The following GOLGA6B variants were observed in gnomAD, a reference collection of about 807,000 sequenced individuals.
GOLGA6B encodes golgin subfamily A member 6B.
A neutral mutation model predicts 63.0 loss-of-function variants in GOLGA6B; 11 were observed. The observed-to-expected ratio is 0.17, with a 90% CI of 0.11 to 0.29. The LOEUF (loss-of-function observed/expected upper bound fraction) is 0.29, where lower values mean the gene tolerates loss of function less well. GOLGA6B is among the 10% of genes least tolerant of loss of function. GOLGA6B has a pLI of 1.00. For missense variants in GOLGA6B, 134 were observed against 563.8 expected (o/e 0.24, Z 7.72); for synonymous variants, 46 against 232.6 (o/e 0.20, Z 7.30).
chr15:72,664,239 C>T lies in GOLGA6B; in HGVS notation c.1426-197C>T, dbSNP rs1183210519. ...CAGCAGCTGACCTCTGAGAAGGAGG[C>T]GCTGCACAGGCAGTTACTGCTGCAG... is the stretch of plus-strand genomic sequence containing the variant. On this transcript the variant is annotated intron_variant, in intron 12 of 17. Transcript: ENST00000421285. Among the ~76,000 whole-genome samples, 16 of 130,234 alleles carry T rather than the reference C, an allele frequency of 1.2e-4. 2 individuals are homozygous for T. The highest frequency in any genetic ancestry group is 1.6e-4 in the African/African-American group (6 of 37,820). The allele number at this position is 130,234 out of a possible 152,430, so 85.4% of individuals were successfully genotyped here.
chr15:72,664,565 T>C, intron 13 of GOLGA6B, 54 bp downstream of exon 13: 1 of 1,147,520 alleles, frequency 8.7e-7, no homozygotes, highest in South Asian at 1.5e-5. Context: ...AAGGGGGGAC[T>C]GTTAGCAGCA....
intron 2 of GOLGA6B, among the ~76,000 whole-genome samples, chr15:72,657,951 CTTTT>C (rs1265834956): frequency 2.8e-5 from 1 of 36,046 alleles, no homozygotes; most frequent in Admixed American, 2.7e-4. Flanking sequence ...GATTTGGGCT[CTTTT>C]TTTTTTTTTT....
In GOLGA6B at chr15:72,664,513, T is replaced by C. The variant is rs748592084; in HGVS notation, c.1501+2T>C. ...GCCTCGTGGCTCTCCCGGGAGAAGG[T>C]ACAGGAGACCACTCAGAGGAAGAGG... On this transcript the variant is annotated splice_donor_variant, in intron 13 of 17. Transcript: ENST00000421285. LOFTEE classifies it high-confidence loss of function. The C allele has an allele frequency of 2.2e-6, 3 of 1,351,324 alleles. 1 individual carries two copies. The highest frequency in any genetic ancestry group is 1.0e-6 in the Non-Finnish European group (1 of 991,404). 83.7% of individuals were successfully genotyped at this position (1,351,324 alleles called of 1,614,324 possible). A position where few individuals can be genotyped will look rare whatever the true frequency, so the allele number is the denominator to read the frequency against.
intron 7 of GOLGA6B, among the ~76,000 whole-genome samples, chr15:72,660,940 C>G (rs1408261936): frequency 6.7e-6 from 1 of 150,126 alleles, no homozygotes; most frequent in East Asian, 2.0e-4. Context: ...TAGTAACTGT[C>G]TCATATGGTG....
rs903568928 is a variant in GOLGA6B, at chr15:72,660,973, G to A, written c.565-291G>A. On this transcript the variant is annotated intron_variant, in intron 7 of 17. Coordinates refer to ENST00000421285, the MANE Select transcript of GOLGA6B (RefSeq NM_018652.5). ...GTGGTTGTGAGGATTAAATGGGATC[G>A]CTAGCATGGAACCTGGTGAAGCACT... Among the ~76,000 whole-genome samples the A allele has an allele frequency of 4.8e-4, 72 of 151,386 alleles. 1 individual carries two copies. The highest frequency in any genetic ancestry group is 4.7e-3 in the Admixed American group (71 of 15,242).
chr15:72,664,147 G>A (rs1165336528), intron 12 of GOLGA6B, among the ~76,000 whole-genome samples: 1 of 130,496 alleles, frequency 7.7e-6, no homozygotes, highest in Admixed American at 7.6e-5. Context: ...AGAGCCAAGG[G>A]TCTCAGAGTC....
At position 72,661,490 on chromosome 15, in the gene GOLGA6B, A is replaced by AGCGAGAC; in HGVS notation, c.685_691dup (p.Glu231AlafsTer6). 1 of 1,304,710 alleles carries AGCGAGAC rather than the reference A, an allele frequency of 7.7e-7. No homozygotes were observed. The highest frequency in any genetic ancestry group is 2.3e-5 in the East Asian group (1 of 43,356). 80.8% of individuals were successfully genotyped at this position (1,304,710 alleles called of 1,614,324 possible). A position where few individuals can be genotyped will look rare whatever the true frequency, so the allele number is the denominator to read the frequency against. ...GAGTCACTAAAACAAGTCCAGCTAGAGCGAGACGAATATGCTAAACACATA... is the reference window on the plus strand; with the variant it reads ...GAGTCACTAAAACAAGTCCAGCTAGAGCGAGACGCGAGACGAATATGCTAAACACATA... On this transcript the variant is annotated frameshift_variant, in exon 9 of 18. Transcript: ENST00000421285. LOFTEE classifies it high-confidence loss of function.
rs752101065 is a variant in GOLGA6B, at chr15:72,662,320, C to T, written c.916C>T (p.His306Tyr). 6.5e-6 allele frequency: 9 copies of T among 1,390,788 alleles called. 2 individuals are homozygous for T. In the South Asian group the frequency reaches 9.7e-5, roughly 15 times the overall value. The allele number at this position is 1,390,788 out of a possible 1,614,324, so 86.2% of individuals were successfully genotyped here. ...GGAACAGCTACAAGATGAGGCCAAA[C>T]ACCTGAGGCAGGAGGTGGAAGGTCT... The part of the protein sequence containing the change: ...VVEQLQDEAK[H>Y]LRQEVEGLEG... The change falls in exon 11 of 18, where the codon CAC becomes TAC. Residue 306 changes from histidine to tyrosine, a missense_variant. Physicochemically the swap from His to Tyr is moderately conservative, Grantham distance 83 (BLOSUM62 2). Coordinates refer to ENST00000421285, the MANE Select transcript of GOLGA6B (RefSeq NM_018652.5).
rs759966690 is a variant in GOLGA6B, at chr15:72,662,445, A to G, written c.1041A>G (p.Arg347=). The part of the protein sequence containing the change: ...QRLQEQEEML[R]EQEVQRVREQ... ...TCCAGGAGCAGGAGGAGATGCTCCG[A>G]GAGCAGGAGGTGCAGAGAGTGCGGG... is the stretch of plus-strand genomic sequence containing the variant. The change falls in exon 11 of 18, where the codon CGA becomes CGG. Residue 347 remains arginine (R), a synonymous_variant. Coordinates refer to ENST00000421285, the MANE Select transcript of GOLGA6B (RefSeq NM_018652.5). 7 of 1,393,938 alleles carry G rather than the reference A, an allele frequency of 5.0e-6. No individual in the cohort carries two copies. Among genetic ancestry groups the G allele is most frequent in the Admixed American group, 3.8e-5 (2 of 52,462 alleles). The allele number at this position is 1,393,938 out of a possible 1,614,324, so 86.3% of individuals were successfully genotyped here.
At chr15:72,664,396 CA>C in intron 12 of GOLGA6B, 39 bp from the exon 13 acceptor site, 2 of 1,315,692 alleles carry the variant, frequency 1.5e-6, no homozygotes, top group Non-Finnish European at 2.1e-6. Flanking sequence ...GATGACCTGG[CA>C]ACCTCCGTGC....
intron 12 of GOLGA6B, 53 bp from the exon 13 acceptor site, chr15:72,664,383 G>A: frequency 7.6e-7 from 1 of 1,310,956 alleles, no homozygotes; most frequent in East Asian, 2.6e-5. Flanking sequence ...GGGCCCCGAG[G>A]GGGATGACCT....
At position 72,666,228 on chromosome 15, in the gene GOLGA6B, G is replaced by A. The variant is rs377604819; in HGVS notation, c.1968G>A (p.Val656=). The stretch of plus-strand genomic sequence containing the variant: ...CTCTCTCTGAAGATTTTTATGAAGT[G>A]AGCCTGGACAACAACGTGGAGCCTG... ...AAGEQDDFYE[V]SLDNNVEPAP... is the part of the protein sequence containing the mutation. Residue 656 remains valine, a synonymous_variant, in exon 18 of 18, where the codon GTG becomes GTA. Transcript: ENST00000421285. The A allele has an allele frequency of 2.1e-3, 3,440 of 1,605,832 alleles. 285 individuals are homozygous for A. The African/African-American group carries it at 0.043, about 20-fold the overall frequency.
rs1397124316 is a variant in GOLGA6B, at chr15:72,668,980, C to T, written c.*2638C>T. 6.6e-6 allele frequency among the ~76,000 whole-genome samples: 1 copy of T among 151,066 alleles called. No homozygotes were observed. The highest frequency in any genetic ancestry group is 1.9e-4 in the East Asian group (1 of 5,182). On this transcript the variant is annotated 3_prime_UTR_variant, in exon 18 of 18. Coordinates refer to ENST00000421285, the MANE Select transcript of GOLGA6B (RefSeq NM_018652.5). ...TCAGCCAAGTATTTGTTCTCTTCCT[C>T]ATTCAGTTTAAGGCAGCTTTCAATT... is the stretch of plus-strand genomic sequence containing the variant.
chr15:72,663,669 C>T (rs1486457599), intron 12 of GOLGA6B, among the ~76,000 whole-genome samples: 1 of 126,816 alleles, frequency 7.9e-6, no homozygotes, highest in African/African-American at 2.8e-5. Context: ...CAGAGTGACA[C>T]TGTCTCAAAA....
chr15:72,664,451 G>T lies in GOLGA6B; in HGVS notation c.1441G>T (p.Ala481Ser). The T allele has an allele frequency of 7.5e-7, 1 of 1,328,352 alleles. No homozygotes were observed. The allele number at this position is 1,328,352 out of a possible 1,614,324, so 82.3% of individuals were successfully genotyped here. A position where few individuals can be genotyped will look rare whatever the true frequency, so the allele number is the denominator to read the frequency against. ...GTCCCCTTAGGAGCACCTAGAAGCT[G>T]CCAGCCAGCAGAACCAACAGCTAGA... is the stretch of plus-strand genomic sequence containing the variant. ...EKLDEEHLEA[A>S]SQQNQQLETQ... is the part of the protein sequence containing the mutation. Residue 481 changes from alanine (A) to serine (S), a missense_variant, in exon 13 of 18, where the codon GCC (alanine) becomes TCC (serine). Coordinates refer to ENST00000421285, the MANE Select transcript of GOLGA6B (RefSeq NM_018652.5).
Position 72,666,273 on chromosome 15 carries a change from G to A in GOLGA6B, c.2013G>A (p.Glu671=). ...NVEPAPGAAR[E]GSPHDNPTVQ... ...AGCCTGCACCAGGAGCGGCCAGGGA[G>A]GGTTCTCCCCATGACAACCCCACTG... Residue 671 remains glutamate, a synonymous_variant, in exon 18 of 18, where the codon GAG becomes GAA. Transcript: ENST00000421285. 6.3e-7 allele frequency: 1 copy of A among 1,597,830 alleles called. No individual in the cohort carries two copies. Among genetic ancestry groups the A allele is most frequent in the Non-Finnish European group, 8.5e-7 (1 of 1,174,368 alleles).
chr15:72,669,190 C>A lies in GOLGA6B; in HGVS notation c.*2848C>A, dbSNP rs539953701. ...CTGATGGGTTTTCCAGAAATGAAAA[C>A]AAGTCAGTTCTAAAACCAAAGCTGA... On this transcript the variant is annotated 3_prime_UTR_variant, in exon 18 of 18. Coordinates refer to ENST00000421285, the MANE Select transcript of GOLGA6B (RefSeq NM_018652.5). 1.1e-4 allele frequency among the ~76,000 whole-genome samples: 16 copies of A among 152,248 alleles called. No homozygotes were observed. The highest frequency in any genetic ancestry group is 3.8e-4 in the African/African-American group (16 of 41,566).
rs1203428095 is a variant in GOLGA6B at position 72,669,096 on chromosome 15, A to G, written c.*2754A>G. On this transcript the variant is annotated 3_prime_UTR_variant, in exon 18 of 18. Coordinates refer to ENST00000421285, the MANE Select transcript of GOLGA6B (RefSeq NM_018652.5). ...CAACTGAATAAATTTGAATTTCTGTAGGAAGTAAAGAATTAAAAATCTATT... is the reference window on the plus strand; with the variant it reads ...CAACTGAATAAATTTGAATTTCTGTGGGAAGTAAAGAATTAAAAATCTATT... 6.6e-6 allele frequency among the ~76,000 whole-genome samples: 1 copy of G among 150,846 alleles called. No individual in the cohort carries two copies. Among genetic ancestry groups the G allele is most frequent in the Admixed American group, 6.6e-5 (1 of 15,108 alleles).
chr15:72,660,832 G>C, intron 7 of GOLGA6B, among the ~76,000 whole-genome samples: 1 of 93,588 alleles, frequency 1.1e-5, no homozygotes, highest in African/African-American at 4.3e-5. Context: ...GAATAGGATA[G>C]ACCTGGGTGT....
Sources: allele counts gnomAD v4.1 joint callset (sites outside exome capture counted in the v4.1 genomes callset), GRCh38; gene constraint gnomAD v4.1.1; transcripts MANE v1.5; gene names NCBI Gene and HGNC (gene_info 2026-07-23, HGNC 2026-07-21).